The following ARID5A variants were observed in gnomAD, a reference collection of about 807,000 sequenced individuals.
The protein encoded by ARID5A is AT-rich interactive domain-containing protein 5A.
Under a neutral mutation model 30.5 loss-of-function variants are expected in ARID5A, and 14 were observed. The observed-to-expected ratio is 0.46, with a 90% confidence interval of 0.30 to 0.72. The LOEUF (loss-of-function observed/expected upper bound fraction) is 0.72, where lower values mean the gene tolerates loss of function less well. Among genes scored for constraint, ARID5A ranks in the 30% least tolerant of loss-of-function variants. ARID5A has a pLI of 0.07. For missense variants in ARID5A, 669 were observed against 786.2 expected, an observed-to-expected ratio of 0.85 and a Z score of 1.78; for synonymous variants, 338 against 340.4, an observed-to-expected ratio of 0.99 and a Z score of 0.08.
At chr2:96,538,280 T>C (rs751693893) in intron 1 of ARID5A, 95 of 985,176 alleles carry the variant, frequency 9.6e-5, no homozygotes, top group Non-Finnish European at 1.1e-4. Flanking sequence ...GGAGGGACAG[T>C]CCCATCCTGG....
At chr2:96,538,220 T>C (rs954594614) in intron 1 of ARID5A, 1 of 985,368 alleles carries the variant, frequency 1.0e-6, no homozygotes, top group African/African-American at 1.7e-5. Flanking sequence ...CGAAACCATC[T>C]GAGGAGCTCT....
Position 96,549,951 on chromosome 2 carries a change from C to G in ARID5A, c.312+146C>G. 6.5e-7 allele frequency: 1 copy of G among 1,531,912 alleles called. No homozygotes were observed. Among genetic ancestry groups the G allele is most frequent in the Non-Finnish European group, 8.8e-7 (1 of 1,139,980 alleles). The allele number at this position is 1,531,912 out of a possible 1,614,324, so 94.9% of individuals were successfully genotyped here. On this transcript the variant is annotated intron_variant, in intron 4 of 6. Coordinates refer to ENST00000357485, the MANE Select transcript of ARID5A (RefSeq NM_212481.3). This position sits in a 1 kb window ranked among gnomAD's most constrained non-coding sequence, Gnocchi z 6.1. Reference sequence around the variant, plus strand: ...CCTCCCTGCCTTCCCCGCTGGTACTCTGCTGCTCAAAGCAGCTTTTCAGCC... The same window carrying G: ...CCTCCCTGCCTTCCCCGCTGGTACTGTGCTGCTCAAAGCAGCTTTTCAGCC...
rs1047704430 is a variant in ARID5A at position 96,550,161 on chromosome 2, C to T, written c.313-27C>T. 2.0e-6 allele frequency: 3 copies of T among 1,532,392 alleles called. No homozygotes were observed. In the African/African-American group the frequency reaches 4.1e-5, roughly 21 times the overall value. 94.9% of individuals were successfully genotyped at this position (1,532,392 alleles called of 1,614,324 possible). A position where few individuals can be genotyped will look rare whatever the true frequency, so the allele number is the denominator to read the frequency against. On this transcript the variant is annotated intron_variant, in intron 4 of 6. Coordinates refer to ENST00000357485, the MANE Select transcript of ARID5A (RefSeq NM_212481.3). This position sits in a 1 kb window ranked among gnomAD's most constrained non-coding sequence, Gnocchi z 6.6. Reference sequence around the variant, plus strand: ...CCCGCCGCCAGGGGGCGCCCGCCGGCCGCGCCCTCACGAGGTGCCCTTGCA... The same window carrying T: ...CCCGCCGCCAGGGGGCGCCCGCCGGTCGCGCCCTCACGAGGTGCCCTTGCA...
Position 96,549,543 on chromosome 2 carries a change from G to A in ARID5A, c.259+84G>A. On this transcript the variant is annotated intron_variant, in intron 3 of 6. Transcript: ENST00000357485. This position sits in a 1 kb window ranked among gnomAD's most constrained non-coding sequence, Gnocchi z 6.1. ...GGCATCGGGCAGGCACTCCCACTCT[G>A]GGTGACCCAGGTTGCAGATAGAAAG... The A allele has an allele frequency of 6.4e-7, 1 of 1,559,870 alleles. No individual in the cohort carries two copies. The highest frequency in any genetic ancestry group is 1.1e-5 in the South Asian group (1 of 87,302).
chr2:96,551,331 G>A lies in ARID5A; in HGVS notation c.803G>A (p.Ser268Asn), dbSNP rs769483332. 5.6e-5 allele frequency: 90 copies of A among 1,613,464 alleles called. No individual in the cohort carries two copies. The highest frequency in any genetic ancestry group is 6.9e-5 in the Non-Finnish European group (81 of 1,179,982). Residue 268 changes from serine to asparagine, a missense_variant, in exon 7 of 7, where the codon AGC (serine) becomes AAC (asparagine). Coordinates refer to ENST00000357485, the MANE Select transcript of ARID5A (RefSeq NM_212481.3). The stretch of plus-strand genomic sequence containing the variant: ...AAAAAGAAGCTCCTGGCCCAGGTGA[G>A]CAAGGTGGAGGCCTTGCAGTGCCAG... ...LAKKKLLAQVSKVEALQCQEE... is the reference protein window; with the variant it reads ...LAKKKLLAQVNKVEALQCQEE...
chr2:96,549,287 G>A lies in ARID5A; in HGVS notation c.121-34G>A, dbSNP rs751943157. ...ATCCCCAGCAGCCAGCCACCAACTG[G>A]GGCCCATCCCAATGCCTCCTGTTCT... is the stretch of plus-strand genomic sequence containing the variant. On this transcript the variant is annotated intron_variant, in intron 2 of 6. Coordinates refer to ENST00000357485, the MANE Select transcript of ARID5A (RefSeq NM_212481.3). The surrounding 1 kb of genome is among the most constrained non-coding windows in gnomAD (Gnocchi z 6.1). The A allele has an allele frequency of 5.6e-6, 9 of 1,598,676 alleles. No individual in the cohort carries two copies. Among genetic ancestry groups the A allele is most frequent in the Middle Eastern group, 2.1e-4 (1 of 4,748 alleles).
At position 96,549,558 on chromosome 2, in the gene ARID5A, C is replaced by G. The variant is rs2065989269; in HGVS notation, c.259+99C>G. On this transcript the variant is annotated intron_variant, in intron 3 of 6. Coordinates refer to ENST00000357485, the MANE Select transcript of ARID5A (RefSeq NM_212481.3). This position sits in a 1 kb window ranked among gnomAD's most constrained non-coding sequence, Gnocchi z 6.1. ...CTCCCACTCTGGGTGACCCAGGTTG[C>G]AGATAGAAAGGAGGCCTCCCTCCAG... 6.5e-7 allele frequency: 1 copy of G among 1,535,368 alleles called. No individual in the cohort carries two copies. The highest frequency in any genetic ancestry group is 8.9e-7 in the Non-Finnish European group (1 of 1,124,162).
Position 96,537,028 on chromosome 2 carries a change from C to T in ARID5A, c.4+198C>T, listed in dbSNP as rs934511996. Among the ~76,000 whole-genome samples the T allele has an allele frequency of 6.6e-6, 1 of 151,954 alleles. No individual in the cohort carries two copies. The highest frequency in any genetic ancestry group is 2.4e-5 in the African/African-American group (1 of 41,362). On this transcript the variant is annotated intron_variant, in intron 1 of 6. Transcript: ENST00000357485. The surrounding 1 kb of genome is among the most constrained non-coding windows in gnomAD (Gnocchi z 4.8). ...CGGCTTCAGCGCTCCCCGGCCGGCG[C>T]GGAAGGGGTGAGGCTGGGCGTCCGC...
At chr2:96,541,754 A>G (rs1465663556) in intron 1 of ARID5A, among the ~76,000 whole-genome samples, 2 of 152,240 alleles carry the variant, frequency 1.3e-5, no homozygotes, top group Non-Finnish European at 2.9e-5. Flanking sequence ...TATGGAGAGC[A>G]GTTTTCTTTT....
At position 96,550,798 on chromosome 2, in the gene ARID5A, C is replaced by G; in HGVS notation, c.570+65C>G. 6.8e-7 allele frequency: 1 copy of G among 1,478,196 alleles called. No homozygotes were observed. Among genetic ancestry groups the G allele is most frequent in the African/African-American group, 1.4e-5 (1 of 70,342 alleles). The allele number at this position is 1,478,196 out of a possible 1,614,324, so 91.6% of individuals were successfully genotyped here. On this transcript the variant is annotated intron_variant, in intron 6 of 6. Coordinates refer to ENST00000357485, the MANE Select transcript of ARID5A (RefSeq NM_212481.3). The surrounding 1 kb of genome is among the most constrained non-coding windows in gnomAD (Gnocchi z 6.6). ...TCTTGTAGCCCCCTACCCCACAACT[C>G]CCTGTGGCCGCGGAGCTGTCTGCTC...
At position 96,550,452 on chromosome 2, in the gene ARID5A, C is replaced by G. The variant is rs2066013444; in HGVS notation, c.411-122C>G. The G allele has an allele frequency of 6.9e-7, 1 of 1,443,922 alleles. No homozygotes were observed. The highest frequency in any genetic ancestry group is 2.5e-5 in the East Asian group (1 of 39,676). The allele number at this position is 1,443,922 out of a possible 1,614,324, so 89.4% of individuals were successfully genotyped here. On this transcript the variant is annotated intron_variant, in intron 5 of 6. Coordinates refer to ENST00000357485, the MANE Select transcript of ARID5A (RefSeq NM_212481.3). The surrounding 1 kb of genome is among the most constrained non-coding windows in gnomAD (Gnocchi z 6.6). ...GGCGCACTCACTGAGGGAGCTGAAG[C>G]TTTGGGACCAGGAGAGGGCCTTCCT...
At position 96,551,284 on chromosome 2, in the gene ARID5A, C is replaced by T. The variant is rs764217163; in HGVS notation, c.756C>T (p.His252=). The change falls in exon 7 of 7, where the codon CAC becomes CAT. Residue 252 remains histidine (H), a synonymous_variant. Coordinates refer to ENST00000357485, the MANE Select transcript of ARID5A (RefSeq NM_212481.3). The part of the protein sequence containing the change: ...LLSSFYCKGT[H]GIMSPLAKKK... Reference sequence around the variant, plus strand: ...CCAGCTTCTACTGCAAGGGGACACACGGCATCATGTCACCACTGGCCAAAA... The same window carrying T: ...CCAGCTTCTACTGCAAGGGGACACATGGCATCATGTCACCACTGGCCAAAA... The T allele has an allele frequency of 2.9e-5, 47 of 1,613,762 alleles. No homozygotes were observed. Among genetic ancestry groups the T allele is most frequent in the Middle Eastern group, 3.3e-4 (2 of 6,084 alleles).
chr2:96,550,553 A>C lies in ARID5A; in HGVS notation c.411-21A>C. 2 of 1,583,426 alleles carry C rather than the reference A, an allele frequency of 1.3e-6. No individual in the cohort carries two copies. Among genetic ancestry groups the C allele is most frequent in the Non-Finnish European group, 1.7e-6 (2 of 1,165,890 alleles). On this transcript the variant is annotated intron_variant, in intron 5 of 6. Transcript: ENST00000357485. This position sits in a 1 kb window ranked among gnomAD's most constrained non-coding sequence, Gnocchi z 6.6. ...GGGATGGGCGCCGGCCTCCTGGGGGACATGCGTGGTTCCTCACCAGGCTGG... is the reference window on the plus strand; with the variant it reads ...GGGATGGGCGCCGGCCTCCTGGGGGCCATGCGTGGTTCCTCACCAGGCTGG...
At chr2:96,547,357 C>A in intron 1 of ARID5A, 45 bp from the exon 2 acceptor site, 1 of 1,544,052 alleles carries the variant, frequency 6.5e-7, no homozygotes, top group South Asian at 1.1e-5. Flanking sequence ...CTCATATGCT[C>A]TCTCCCCACC....
chr2:96,545,737 T>C (rs1245720393), intron 1 of ARID5A, among the ~76,000 whole-genome samples: 4 of 151,722 alleles, frequency 2.6e-5, no homozygotes, highest in Admixed American at 2.0e-4. Context: ...GGGTGGATCA[T>C]GAGGTCAGGA....
rs926514861 is a variant in ARID5A at position 96,539,484 on chromosome 2, AC to A, written c.4+2656del. 6.6e-6 allele frequency among the ~76,000 whole-genome samples: 1 copy of A among 152,160 alleles called. No individual in the cohort carries two copies. Among genetic ancestry groups the A allele is most frequent in the African/African-American group, 2.4e-5 (1 of 41,430 alleles). ...TGCCTTCACCTTCCTGCCTTTGCAT[AC>A]CTGCCTTTGCTTCGCCAGGTTGGTT... On this transcript the variant is annotated intron_variant, in intron 1 of 6. Transcript: ENST00000357485. The surrounding 1 kb of genome is among the most constrained non-coding windows in gnomAD (Gnocchi z 4.7).
At position 96,550,676 on chromosome 2, in the gene ARID5A, G is replaced by A. The variant is rs754407768; in HGVS notation, c.513G>A (p.Gly171=). 9 of 1,598,688 alleles carry A rather than the reference G, an allele frequency of 5.6e-6. No individual in the cohort carries two copies. The highest frequency in any genetic ancestry group is 7.7e-6 in the Non-Finnish European group (9 of 1,173,566). Residue 171 remains glycine (G), a synonymous_variant, in exon 6 of 7, where the codon GGG becomes GGA. Coordinates refer to ENST00000357485, the MANE Select transcript of ARID5A (RefSeq NM_212481.3). The surrounding 1 kb of genome is among the most constrained non-coding windows in gnomAD (Gnocchi z 6.6). ...KQYKMAKENR[G]DDGATERPKK... ...ACAAGATGGCTAAGGAGAACAGGGG[G>A]GATGATGGGGCCACCGAGAGGCCGA...
At position 96,549,315 on chromosome 2, in the gene ARID5A, C is replaced by T. The variant is rs2065983959; in HGVS notation, c.121-6C>T. 6.2e-7 allele frequency: 1 copy of T among 1,612,190 alleles called. No individual in the cohort carries two copies. On this transcript the variant is annotated splice_region_variant and splice_polypyrimidine_tract_variant and intron_variant, in intron 2 of 6. Coordinates refer to ENST00000357485, the MANE Select transcript of ARID5A (RefSeq NM_212481.3). The surrounding 1 kb of genome is among the most constrained non-coding windows in gnomAD (Gnocchi z 6.1). The stretch of plus-strand genomic sequence containing the variant: ...CCCATCCCAATGCCTCCTGTTCTCT[C>T]CCCAGGACTCCCCCGAGGCAGGCGG...
rs557720461 is a variant in ARID5A at position 96,541,140 on chromosome 2, C to T, written c.4+4310C>T. 1.6e-4 allele frequency among the ~76,000 whole-genome samples: 25 copies of T among 152,048 alleles called. No homozygotes were observed. In the East Asian group the frequency reaches 3.9e-3, roughly 23 times the overall value. On this transcript the variant is annotated intron_variant, in intron 1 of 6. Coordinates refer to ENST00000357485, the MANE Select transcript of ARID5A (RefSeq NM_212481.3). ...GCAACCTCCACCTCCTGGGTTCAAG[C>T]GATTCTCCTGCCTCAGCCTCCTGAG...
Sources: allele counts gnomAD v4.1 joint callset (sites outside exome capture counted in the v4.1 genomes callset), GRCh38; gene constraint gnomAD v4.1.1; non-coding constraint Gnocchi (gnomAD v3.1); transcripts MANE v1.5; gene names NCBI Gene and HGNC (gene_info 2026-07-23, HGNC 2026-07-21).